The following MESP1 variants were observed in gnomAD, a reference collection of about 807,000 sequenced individuals.
The protein encoded by MESP1 is mesoderm posterior protein 1.
A neutral mutation model predicts 15.2 loss-of-function variants in MESP1; 22 were observed. That is an observed-to-expected ratio of 1.45 (90% CI 1.04 to 2.07). MESP1 has a LOEUF of 2.07. MESP1 is among the 30% of genes most tolerant of loss of function. The pLI is 0.00. For missense variants in MESP1, 484 were observed against 411.9 expected, an observed-to-expected ratio of 1.17 and a Z score of -1.51; for synonymous variants, 216 against 192.6, an observed-to-expected ratio of 1.12 and a Z score of -1.01.
At chr15:89,746,859 C>CCCTGCCGCCACA (rs1567139298), downstream of MESP1, among the ~76,000 whole-genome samples, 1 of 106,840 alleles carries the variant, frequency 9.4e-6, no homozygotes, top group African/African-American at 3.6e-5. Flanking sequence ...AGCCCTGCCG[C>CCCTGCCGCCACA]CACACACACA....
At chr15:89,741,145 AAAT>A in the MESP1 span, among the ~76,000 whole-genome samples, 1 of 151,820 alleles carries the variant, frequency 6.6e-6, no homozygotes, top group African/African-American at 2.4e-5. Flanking sequence ...GTCTCAAAAA[AAAT>A]AAATAAATAA....
At chr15:89,747,971 C>G (rs1968004023), downstream of MESP1, among the ~76,000 whole-genome samples, 1 of 152,114 alleles carries the variant, frequency 6.6e-6, no homozygotes, top group Admixed American at 6.5e-5. Flanking sequence ...GGGAGATGTC[C>G]CCTGCCTATC....
At chr15:89,735,188 A>G in the MESP1 span, among the ~76,000 whole-genome samples, 2 of 152,084 alleles carry the variant, frequency 1.3e-5, no homozygotes, top group African/African-American at 2.4e-5. Flanking sequence ...TTGTTTTTCA[A>G]TGGTATTTAT....
chr15:89,746,919 ACACAGCCCCACCTC>A (rs1967974310), downstream of MESP1, among the ~76,000 whole-genome samples: 2 of 122,938 alleles, frequency 1.6e-5, no homozygotes, highest in South Asian at 2.8e-4. Context: ...CCGCCTCCAC[ACACAGCCCCACCTC>A]CACACACACA....
chr15:89,743,503 A>G, the MESP1 span: 5 of 1,014,276 alleles, frequency 4.9e-6, no homozygotes, highest in Non-Finnish European at 7.4e-6. Flanking sequence ...ACAGGCCTGC[A>G]CTCGGAGTCT....
At chr15:89,747,368 C>T (rs900447889), downstream of MESP1, among the ~76,000 whole-genome samples, 2 of 152,232 alleles carry the variant, frequency 1.3e-5, no homozygotes, top group Non-Finnish European at 2.9e-5. Context: ...GGCCAAGGGT[C>T]GCTGCTCTGG....
chr15:89,744,059 G>C, the MESP1 span, among the ~76,000 whole-genome samples: 2 of 152,174 alleles, frequency 1.3e-5, no homozygotes, highest in African/African-American at 4.8e-5. Context: ...AACAGACGGA[G>C]GGGTCCCCAG....
chr15:89,741,774 A>G, the MESP1 span, among the ~76,000 whole-genome samples: 1 of 150,598 alleles, frequency 6.6e-6, no homozygotes, highest in Non-Finnish European at 1.5e-5. Context: ...TTTTTTTGAG[A>G]TGGAGTCTCG....
chr15:89,741,843 C>T, the MESP1 span, among the ~76,000 whole-genome samples: 1 of 152,052 alleles, frequency 6.6e-6, no homozygotes, highest in Non-Finnish European at 1.5e-5. Context: ...CCTCTGCCTC[C>T]CAGGTTCAAG....
the MESP1 span, among the ~76,000 whole-genome samples, chr15:89,741,011 G>T: frequency 7.9e-5 from 12 of 151,966 alleles, no homozygotes; most frequent in Non-Finnish European, 1.8e-4. Context: ...ACGGTGGCAG[G>T]TGCCTATAAT....
chr15:89,737,123 G>A, the MESP1 span, among the ~76,000 whole-genome samples: 1 of 152,152 alleles, frequency 6.6e-6, no homozygotes, highest in South Asian at 2.1e-4. Context: ...GGAGAGTTTA[G>A]TATGTTCACT....
downstream of MESP1, among the ~76,000 whole-genome samples, chr15:89,745,991 GCATACACACCTCCACA>G (rs1228559019): frequency 7.1e-5 from 9 of 126,834 alleles, no homozygotes; most frequent in East Asian, 2.6e-4. The surrounding 1 kb of genome is among the most constrained non-coding windows in gnomAD (Gnocchi z 4.8). Flanking sequence ...ACACCTCCAC[GCATACACACCTCCACA>G]CATACACACC....
the MESP1 span, among the ~76,000 whole-genome samples, chr15:89,736,026 C>T: frequency 1.3e-5 from 2 of 152,030 alleles, no homozygotes; most frequent in East Asian, 1.9e-4. Context: ...GAGGCTGGGG[C>T]GGGAAGACAG....
At chr15:89,736,917 G>A in the MESP1 span, among the ~76,000 whole-genome samples, 8 of 151,268 alleles carry the variant, frequency 5.3e-5, no homozygotes, top group Non-Finnish European at 8.8e-5. Flanking sequence ...TCAGCCTCCC[G>A]AGTAGCTGGG....
the MESP1 span, among the ~76,000 whole-genome samples, chr15:89,737,380 T>C: frequency 6.6e-6 from 1 of 152,144 alleles, no homozygotes; most frequent in Non-Finnish European, 1.5e-5. Context: ...GGAGGGTCTG[T>C]TGGCTGAGGG....
chr15:89,733,125 C>T, the MESP1 span: 1 of 1,614,190 alleles, frequency 6.2e-7, no homozygotes, highest in East Asian at 2.2e-5. Flanking sequence ...AGTGAAATCC[C>T]AAATGAAATG....
Position 89,750,794 on chromosome 15 carries a change from ACT to A in MESP1, c.436_437del (p.Leu147ProfsTer9), listed in dbSNP as rs777474430. On this transcript the variant is annotated frameshift_variant, in exon 1 of 2. Coordinates refer to ENST00000300057, the MANE Select transcript of MESP1 (RefSeq NM_018670.4). LOFTEE classifies it high-confidence loss of function. Reference protein sequence around the residue: ...LSAVLGLSEESLQRRCRQRGD... With the variant: ...LSAVLGLSEEXLQRRCRQRGD... ...CGCGCTGCCGGCACCGGCGCTGGAG[ACT>A]CTCCTCGCTGAGGCCTAGCACGGCC... 21 of 1,519,442 alleles carry A rather than the reference ACT, an allele frequency of 1.4e-5. No homozygotes were observed. The African/African-American group carries it at 2.7e-4, about 20-fold the overall frequency. The allele number at this position is 1,519,442 out of a possible 1,614,324, so 94.1% of individuals were successfully genotyped here.
the MESP1 span, among the ~76,000 whole-genome samples, chr15:89,736,992 C>A: frequency 2.0e-4 from 30 of 152,214 alleles, no homozygotes; most frequent in South Asian, 5.0e-3. Flanking sequence ...GAGGTTTCAC[C>A]GTGTTAGCCA....
At position 89,750,163 on chromosome 15, in the gene MESP1, A is replaced by C. The variant is rs1285198488; in HGVS notation, c.788T>G (p.Leu263Arg). 4.3e-6 allele frequency: 7 copies of C among 1,614,000 alleles called. No homozygotes were observed. The highest frequency in any genetic ancestry group is 5.9e-6 in the Non-Finnish European group (7 of 1,179,982). The stretch of plus-strand genomic sequence containing the variant: ...CCCTTGTCACTTGGGCTCCTCAGGC[A>C]GCCACTCCAGAGGCGAGAGGGGCAT... The part of the protein sequence containing the change: ...TWMPLSPLEW[L>R]PEEPK The change falls in exon 2 of 2, where the codon CTG becomes CGG. Residue 263 changes from leucine (L) to arginine (R), a missense_variant. Physicochemically the swap from Leu to Arg is moderately radical, Grantham distance 102. Coordinates refer to ENST00000300057, the MANE Select transcript of MESP1 (RefSeq NM_018670.4).
Sources: allele counts gnomAD v4.1 joint callset (sites outside exome capture counted in the v4.1 genomes callset), GRCh38; gene constraint gnomAD v4.1.1; non-coding constraint Gnocchi (gnomAD v3.1); transcripts MANE v1.5; gene names NCBI Gene and HGNC (gene_info 2026-07-23, HGNC 2026-07-21).